The following VPS53 variants were observed in gnomAD, a reference collection of about 807,000 sequenced individuals.
VPS53 encodes the protein VPS53 subunit of GARP complex, also known as vacuolar protein sorting-associated protein 53 homolog.
In VPS53, 70 loss-of-function variants were observed where a neutral mutation model predicts 107.0. That is an observed-to-expected ratio of 0.65 (90% CI 0.54 to 0.80). The LOEUF (loss-of-function observed/expected upper bound fraction) is 0.80, where lower values mean the gene tolerates loss of function less well. Among genes scored for constraint, VPS53 ranks in the 30% least tolerant of loss-of-function variants. VPS53 has a pLI of 0.00. For missense variants in VPS53, 917 were observed against 1,049.4 expected, an observed-to-expected ratio of 0.87 and a Z score of 1.74; for synonymous variants, 409 against 393.3, an observed-to-expected ratio of 1.04 and a Z score of -0.47.
At chr17:679,992 A>G (rs541352233) in intron 4 of VPS53, among the ~76,000 whole-genome samples, 1 of 152,030 alleles carries the variant, frequency 6.6e-6, no homozygotes, top group Admixed American at 6.6e-5. Context: ...TACTAAAAAT[A>G]CAAAAATTTA....
intron 4 of VPS53, among the ~76,000 whole-genome samples, chr17:664,781 G>A (rs1179462911): frequency 3.3e-5 from 5 of 152,160 alleles, no homozygotes; most frequent in Non-Finnish European, 7.4e-5. Flanking sequence ...GGAAGACGCC[G>A]AGCGATTCAG....
At chr17:680,628 G>A (rs1305429945) in intron 4 of VPS53, among the ~76,000 whole-genome samples, 1 of 152,206 alleles carries the variant, frequency 6.6e-6, no homozygotes, top group Non-Finnish European at 1.5e-5. Context: ...AGATTGTGAA[G>A]ATCTCTCCTT....
At chr17:573,975 T>C (rs547351533) in intron 13 of VPS53, among the ~76,000 whole-genome samples, 31 of 152,304 alleles carry the variant, frequency 2.0e-4, no homozygotes, top group African/African-American at 7.5e-4. Context: ...ACACTCAAAA[T>C]AGTGTGTGCA....
intron 7 of VPS53, among the ~76,000 whole-genome samples, chr17:644,213 T>C (rs1035615181): frequency 3.9e-5 from 6 of 152,244 alleles, no homozygotes; most frequent in African/African-American, 9.6e-5. Context: ...GTTGGAAGAA[T>C]TAGCTATGCT....
chr17:656,905 A>G (rs1971214959), intron 5 of VPS53: 3 of 1,497,074 alleles, frequency 2.0e-6, no homozygotes, highest in African/African-American at 1.4e-5. Context: ...CCTTGCCAAT[A>G]GTGAAAATGT....
At chr17:709,273 A>C (rs1282540266) in intron 2 of VPS53, among the ~76,000 whole-genome samples, 1 of 151,774 alleles carries the variant, frequency 6.6e-6, no homozygotes, top group East Asian at 1.9e-4. Context: ...ATGTTTGATC[A>C]TCTCTAGTGT....
intron 13 of VPS53, among the ~76,000 whole-genome samples, chr17:567,024 C>T (rs1018897003): frequency 1.3e-5 from 2 of 152,088 alleles, no homozygotes; most frequent in African/African-American, 4.8e-5. Flanking sequence ...GGATTACAGG[C>T]GTGAGCCACT....
chr17:549,984 C>T (rs895086550), intron 17 of VPS53, among the ~76,000 whole-genome samples: 4 of 152,170 alleles, frequency 2.6e-5, no homozygotes, highest in African/African-American at 4.8e-5. Context: ...TACTGCAAAA[C>T]CAAATTCAGA....
At chr17:693,521 A>G (rs942338751) in intron 4 of VPS53, among the ~76,000 whole-genome samples, 3 of 152,188 alleles carry the variant, frequency 2.0e-5, no homozygotes, top group Non-Finnish European at 4.4e-5. Flanking sequence ...CAGGAGTTCA[A>G]GACCAGCCCG....
At chr17:552,055 A>C in intron 16 of VPS53, 105 bp from the exon 17 acceptor site, 4 of 1,100,116 alleles carry the variant, frequency 3.6e-6, no homozygotes, top group Non-Finnish European at 5.1e-6. Context: ...TTTCACTGGC[A>C]AAGTTTGAGC....
At chr17:561,186 C>A (rs1182328581) in intron 14 of VPS53, among the ~76,000 whole-genome samples, 8 of 152,214 alleles carry the variant, frequency 5.3e-5, no homozygotes, top group African/African-American at 1.9e-4. Flanking sequence ...AGACATGCTT[C>A]CTGCCCAAGG....
intron 11 of VPS53, among the ~76,000 whole-genome samples, chr17:618,324 CTGGGTAG>C: frequency 9.9e-6 from 1 of 101,382 alleles, no homozygotes. Flanking sequence ...CTAATATTTC[CTGGGTAG>C]CTGGGACTAC....
intron 4 of VPS53, among the ~76,000 whole-genome samples, chr17:673,472 A>G (rs1398761699): frequency 6.6e-6 from 1 of 152,250 alleles, no homozygotes; most frequent in Non-Finnish European, 1.5e-5. Flanking sequence ...TCACACACCC[A>G]GCCTCAGCAA....
Position 586,355 on chromosome 17 carries a change from G to T in VPS53, c.1228C>A (p.Pro410Thr), listed in dbSNP as rs750551048. 1.2e-6 allele frequency: 2 copies of T among 1,613,874 alleles called. No homozygotes were observed. The highest frequency in any genetic ancestry group is 1.7e-6 in the Non-Finnish European group (2 of 1,179,926). Residue 410 changes from proline (P) to threonine (T), a missense_variant, in exon 13 of 22, where the codon CCT becomes ACT. Coordinates refer to ENST00000437048, the MANE Select transcript of VPS53 (RefSeq NM_001128159.3). ...EKGDLDQPKK[P>T]KAPDNPFHGI... The stretch of plus-strand genomic sequence containing the variant: ...TGAAATGGATTGTCTGGGGCTTTAG[G>T]CTTCTTTGGCTGTAAAAACAAAGAA...
chr17:633,338 C>T (rs1241666333), intron 7 of VPS53, among the ~76,000 whole-genome samples: 1 of 152,170 alleles, frequency 6.6e-6, no homozygotes, highest in African/African-American at 2.4e-5. Context: ...CCCTGCTGGG[C>T]TTCCTGAGCC....
chr17:651,509 T>A (rs939951697), intron 7 of VPS53, among the ~76,000 whole-genome samples: 5 of 152,170 alleles, frequency 3.3e-5, no homozygotes, highest in African/African-American at 1.2e-4. Context: ...GAGGATCACT[T>A]GAGCCCAGGA....
At chr17:544,107 C>T (rs962996325) in intron 17 of VPS53, among the ~76,000 whole-genome samples, 1 of 152,062 alleles carries the variant, frequency 6.6e-6, no homozygotes, top group Non-Finnish European at 1.5e-5. Flanking sequence ...GAAAAATATT[C>T]AACGCAGATT....
At chr17:623,377 G>A (rs563870984) in intron 11 of VPS53, among the ~76,000 whole-genome samples, 156 bp downstream of exon 11, 1 of 152,276 alleles carries the variant, frequency 6.6e-6, no homozygotes, top group African/African-American at 2.4e-5. Flanking sequence ...CACACAGAGT[G>A]TTCTGTATCA....
intron 11 of VPS53, among the ~76,000 whole-genome samples, chr17:606,565 C>T (rs918183205): frequency 2.6e-5 from 4 of 152,062 alleles, no homozygotes; most frequent in East Asian, 1.9e-4. Flanking sequence ...TGACGGGCCA[C>T]GGTACAAGGC....
Sources: gnomAD v4.1 joint callset for allele counts (sites outside exome capture counted in the v4.1 genomes callset) on GRCh38, gnomAD v4.1.1 for gene constraint, MANE v1.5 for transcripts, NCBI Gene and HGNC (gene_info 2026-07-23, HGNC 2026-07-21) for gene names.